The following TTK variants were observed in gnomAD, a reference collection of about 807,000 sequenced individuals.
The protein encoded by TTK is dual specificity protein kinase TTK.
In TTK, 59 loss-of-function variants were observed where a neutral mutation model predicts 117.3. That is an observed-to-expected ratio of 0.50 (90% CI 0.41 to 0.62). The LOEUF (loss-of-function observed/expected upper bound fraction) is 0.62. Among genes scored for constraint, TTK ranks in the 20% least tolerant of loss-of-function variants. The pLI is 0.00. For synonymous variants in TTK, 302 were observed against 325.0 expected (o/e 0.93, Z 0.76); for missense variants, 921 against 989.4 (o/e 0.93, Z 0.93).
intron 17 of TTK, 117 bp downstream of exon 17, chr6:80,036,716 G>GAATGAGTGTTATATTTTTAATCACC: frequency 8.7e-7 from 1 of 1,143,078 alleles, no homozygotes; most frequent in Non-Finnish European, 1.2e-6. Flanking sequence ...AGGATTTGAA[G>GAATGAGTGTTATATTTTTAATCACC]TCTTTTAATA....
Position 80,042,225 on chromosome 6 carries a change from G to T in TTK, c.*23G>T, listed in dbSNP as rs17254634. ...TGATTTGCAGTTATTCGTAATGTCA[G>T]ATACCACCTATAAAATATATTGGAC... On this transcript the variant is annotated 3_prime_UTR_variant, in exon 22 of 22. Transcript: ENST00000369798. 2 of 1,534,560 alleles carry T rather than the reference G, an allele frequency of 1.3e-6. No individual in the cohort carries two copies. Among genetic ancestry groups the T allele is most frequent in the Non-Finnish European group, 1.8e-6 (2 of 1,119,820 alleles).
intron 10 of TTK, among the ~76,000 whole-genome samples, chr6:80,018,132 A>T (rs1349950093): frequency 6.6e-6 from 1 of 151,970 alleles, no homozygotes; most frequent in Admixed American, 6.6e-5. Context: ...CCATGATCAC[A>T]TGATCATGCC....
chr6:80,022,335 T>C lies in TTK; in HGVS notation c.1120T>C (p.Tyr374His). The change falls in exon 11 of 22, where the codon TAT becomes CAT. Residue 374 changes from tyrosine (Y) to histidine (H), a missense_variant. Transcript: ENST00000369798. ...LLAKLEETKE[Y>H]QEPEVPESNQ... ...AAATACAATTTCAGAAACTAAAGAGTATCAAGAACCAGAGGTTCCAGAGAG... is the reference window on the plus strand; with the variant it reads ...AAATACAATTTCAGAAACTAAAGAGCATCAAGAACCAGAGGTTCCAGAGAG... 6.2e-7 allele frequency: 1 copy of C among 1,610,666 alleles called. No individual in the cohort carries two copies. The highest frequency in any genetic ancestry group is 1.3e-5 in the African/African-American group (1 of 74,864).
chr6:80,014,706 T>G (rs1767258759), intron 10 of TTK, 120 bp downstream of exon 10: 1 of 1,094,918 alleles, frequency 9.1e-7, no homozygotes, highest in Non-Finnish European at 1.3e-6. Context: ...TTCTTTTATC[T>G]TGAATTTCCG....
intron 12 of TTK, among the ~76,000 whole-genome samples, chr6:80,027,148 G>C (rs1299221228): frequency 6.6e-6 from 1 of 152,008 alleles, no homozygotes; most frequent in Admixed American, 6.6e-5. Context: ...ATGTCTTAGG[G>C]GATAGCTTAA....
intron 14 of TTK, among the ~76,000 whole-genome samples, chr6:80,032,893 A>G (rs1767796551): frequency 3.3e-5 from 5 of 152,180 alleles, no homozygotes; most frequent in African/African-American, 1.2e-4. Flanking sequence ...TTTATGGGGT[A>G]CAAAGTGGTA....
intron 11 of TTK, among the ~76,000 whole-genome samples, chr6:80,024,248 C>T (rs1181436380): frequency 6.6e-6 from 1 of 152,186 alleles, no homozygotes; most frequent in Non-Finnish European, 1.5e-5. Flanking sequence ...AATAATTCCA[C>T]TCCTAGGTTT....
chr6:80,026,863 A>G (rs1403918771), intron 12 of TTK, among the ~76,000 whole-genome samples: 2 of 152,220 alleles, frequency 1.3e-5, no homozygotes. Context: ...TTCTTAGAGC[A>G]GATAAAGAGT....
At chr6:80,033,904 G>A (rs538289734) in intron 14 of TTK, among the ~76,000 whole-genome samples, 4 of 152,096 alleles carry the variant, frequency 2.6e-5, no homozygotes, top group African/African-American at 9.6e-5. Context: ...CTATATTTTA[G>A]TAGTATCAAG....
chr6:80,031,232 A>T (rs571527933), intron 13 of TTK, among the ~76,000 whole-genome samples: 2 of 151,754 alleles, frequency 1.3e-5, no homozygotes, highest in East Asian at 3.9e-4. Flanking sequence ...TTTCCTCCTT[A>T]AATTTTCTTT....
intron 10 of TTK, among the ~76,000 whole-genome samples, chr6:80,017,120 C>T (rs1767326916): frequency 6.6e-6 from 1 of 152,118 alleles, no homozygotes; most frequent in Non-Finnish European, 1.5e-5. Flanking sequence ...TGTGTAAGAT[C>T]AAGTGTCAGG....
chr6:80,014,344 TATA>T (rs2127672071), intron 9 of TTK, 116 bp from the exon 10 acceptor site: 1 of 831,686 alleles, frequency 1.2e-6, no homozygotes, highest in East Asian at 3.3e-5. Context: ...TACATATAAT[TATA>T]ATAGAAAATT....
intron 10 of TTK, among the ~76,000 whole-genome samples, chr6:80,015,892 C>G (rs151654): frequency 0.62 from 93,877 of 151,848 alleles, 29,452 homozygotes; most frequent in Admixed American, 0.73. Flanking sequence ...TCAAAAAATA[C>G]AACATTACTA....
In TTK at chr6:80,042,244, A is replaced by G. The variant is rs1234350172; in HGVS notation, c.*42A>G. ...ATGTCAGATACCACCTATAAAATAT[A>G]TTGGACTGTTATACTCTTGAATCCC... is the stretch of plus-strand genomic sequence containing the variant. On this transcript the variant is annotated 3_prime_UTR_variant, in exon 22 of 22. Transcript: ENST00000369798. 2.7e-6 allele frequency: 4 copies of G among 1,472,320 alleles called. No individual in the cohort carries two copies. Among genetic ancestry groups the G allele is most frequent in the Non-Finnish European group, 3.8e-6 (4 of 1,062,960 alleles). 91.2% of individuals were successfully genotyped at this position (1,472,320 alleles called of 1,614,324 possible).
rs1274940779 is a variant in TTK at position 80,007,698 on chromosome 6, A to G, written c.140-111A>G. 1.0e-5 allele frequency: 8 copies of G among 786,008 alleles called. No individual in the cohort carries two copies. The Middle Eastern group carries it at 1.1e-3, about 107-fold the overall frequency. 48.7% of individuals were successfully genotyped at this position (786,008 alleles called of 1,614,324 possible). On this transcript the variant is annotated intron_variant, in intron 2 of 21. Transcript: ENST00000369798. ...TTTTAAAAAGTATTATAAGGACTTT[A>G]TGTACATTGATACTGACAGTACAAA...
intron 13 of TTK, among the ~76,000 whole-genome samples, chr6:80,030,680 G>A (rs1305458229): frequency 6.6e-6 from 1 of 152,066 alleles, no homozygotes; most frequent in Non-Finnish European, 1.5e-5. Flanking sequence ...TCTCAGAGAA[G>A]CACTGAGGAG....
chr6:80,023,041 C>T (rs1410171014), intron 11 of TTK, among the ~76,000 whole-genome samples: 4 of 152,120 alleles, frequency 2.6e-5, no homozygotes, highest in African/African-American at 7.2e-5. Flanking sequence ...GGTGGCTTTT[C>T]GGAAGGAATG....
intron 4 of TTK, 97 bp from the exon 5 acceptor site, chr6:80,010,717 G>T (rs1458520398): frequency 6.3e-6 from 8 of 1,268,960 alleles, no homozygotes; most frequent in South Asian, 1.8e-5. Context: ...AAGTCTTTTT[G>T]ATTTTTTTTT....
At chr6:80,011,080 A>G in intron 5 of TTK, 123 bp downstream of exon 5, 1 of 1,235,236 alleles carries the variant, frequency 8.1e-7, no homozygotes, top group Non-Finnish European at 1.1e-6. Context: ...TTAAATTGTA[A>G]AGGAGGTAAG....
Sources: gnomAD v4.1 joint callset for allele counts (sites outside exome capture counted in the v4.1 genomes callset) on GRCh38, gnomAD v4.1.1 for gene constraint, MANE v1.5 for transcripts, NCBI Gene and HGNC (gene_info 2026-07-23, HGNC 2026-07-21) for gene names.